SYCE1L: variants seen among roughly 807,000 people sequenced by gnomAD.
SYCE1L encodes synaptonemal complex central element protein 1-like.
Under a neutral mutation model 39.6 loss-of-function variants are expected in SYCE1L, and 51 were observed. That is an observed-to-expected ratio of 1.29 (90% confidence interval 1.03 to 1.63). SYCE1L has a LOEUF of 1.63. Ranked by LOEUF, SYCE1L falls within the 40% of genes most tolerant of loss-of-function variation. The pLI is 0.00. For missense variants in SYCE1L, 426 were observed against 304.9 expected (o/e 1.40, Z -2.96); for synonymous variants, 147 against 122.4 (o/e 1.20, Z -1.33).
chr16:77,200,266 A>G (rs1338050632), intron 1 of SYCE1L: 1 of 111,312 alleles, frequency 9.0e-6, no homozygotes, highest in Admixed American at 8.7e-5. Context: ...GTATATATAT[A>G]TATATGTGTA....
rs757888203 is a variant in SYCE1L at position 77,199,438 on chromosome 16, C to G, written c.-14C>G. On this transcript the variant is annotated 5_prime_UTR_variant, in exon 1 of 11. Coordinates refer to ENST00000378644, the MANE Select transcript of SYCE1L (RefSeq NM_001129979.3). The stretch of plus-strand genomic sequence containing the variant: ...TCATCAAGCGAGGCTCGCGCGCAGG[C>G]CCCGCGTTGGAAAATGGCGGGGAAG... 25 of 1,551,444 alleles carry G rather than the reference C, an allele frequency of 1.6e-5. No individual in the cohort carries two copies. Among genetic ancestry groups the G allele is most frequent in the Middle Eastern group, 3.4e-4 (2 of 5,880 alleles).
At chr16:77,200,900 A>C (rs2054735105) in intron 1 of SYCE1L, 1 of 152,206 alleles carries the variant, frequency 6.6e-6, no homozygotes, top group African/African-American at 2.4e-5. Context: ...TGTACCTATC[A>C]GTATGCTTTA....
Position 77,212,332 on chromosome 16 carries a change from C to T in SYCE1L, c.544C>T (p.Pro182Ser). The T allele has an allele frequency of 2.0e-6, 3 of 1,523,214 alleles. No homozygotes were observed. The Admixed American group carries it at 6.7e-5, about 34-fold the overall frequency. 94.4% of individuals were successfully genotyped at this position (1,523,214 alleles called of 1,614,324 possible). A position where few individuals can be genotyped will look rare whatever the true frequency, so the allele number is the denominator to read the frequency against. The change falls in exon 9 of 11, where the codon CCG becomes TCG. Residue 182 changes from proline to serine, a missense_variant. Transcript: ENST00000378644. The stretch of plus-strand genomic sequence containing the variant: ...GGAGGTGGAGCGGCGGCTGCACTCG[C>T]CGCCTGAGGTCGAGGGCGCCATGGC... ...LREVERRLHS[P>S]PEVEGAMAVN...
intron 9 of SYCE1L, 56 bp downstream of exon 9, chr16:77,212,425 C>A: frequency 6.5e-7 from 1 of 1,530,966 alleles, no homozygotes; most frequent in South Asian, 1.2e-5. Flanking sequence ...GGAGGGGAAC[C>A]CGCCCAGGTC....
At chr16:77,205,193 ATT>A (rs1434667369) in intron 1 of SYCE1L, among the ~76,000 whole-genome samples, 1 of 151,670 alleles carries the variant, frequency 6.6e-6, no homozygotes, top group Non-Finnish European at 1.5e-5. Flanking sequence ...GGGAGAGGGA[ATT>A]TTCACTGTAT....
chr16:77,211,065 A>G (rs2054818813), intron 6 of SYCE1L, 148 bp from the exon 7 acceptor site: 1 of 803,912 alleles, frequency 1.2e-6, no homozygotes, highest in Admixed American at 2.4e-5. Context: ...AAGAGGTGCT[A>G]CGGGAACCAA....
intron 9 of SYCE1L, 40 bp downstream of exon 9, chr16:77,212,409 C>A (rs1040467550): frequency 5.2e-6 from 8 of 1,529,880 alleles, no homozygotes; most frequent in African/African-American, 2.8e-5. Flanking sequence ...AGGGCAGGGG[C>A]AGGGCGGAGG....
chr16:77,204,077 A>T (rs368294683), intron 1 of SYCE1L, among the ~76,000 whole-genome samples: 1 of 152,128 alleles, frequency 6.6e-6, no homozygotes, highest in Non-Finnish European at 1.5e-5. Flanking sequence ...TTGGCAAAAA[A>T]AAAAAGAAAA....
chr16:77,200,534 T>A (rs1471336479), intron 1 of SYCE1L: 1 of 150,510 alleles, frequency 6.6e-6, no homozygotes, highest in Non-Finnish European at 1.5e-5. Context: ...GGCGGGTGGG[T>A]CACCTGAGGT....
chr16:77,212,846 GC>G lies in SYCE1L; in HGVS notation c.655-6del, dbSNP rs1366980216. On this transcript the variant is annotated splice_polypyrimidine_tract_variant and intron_variant, in intron 10 of 10. Coordinates refer to ENST00000378644, the MANE Select transcript of SYCE1L (RefSeq NM_001129979.3). ...GGAACCTGGTCCGCAGCCTCACCCA[GC>G]CCCCGGCAGGCCGGACCTGAGCTCC... 9 of 1,484,666 alleles carry G rather than the reference GC, an allele frequency of 6.1e-6. No homozygotes were observed. Among genetic ancestry groups the G allele is most frequent in the Middle Eastern group, 2.1e-4 (1 of 4,806 alleles). The allele number at this position is 1,484,666 out of a possible 1,614,324, so 92.0% of individuals were successfully genotyped here. A position where few individuals can be genotyped will look rare whatever the true frequency, so the allele number is the denominator to read the frequency against.
intron 1 of SYCE1L, 112 bp downstream of exon 1, chr16:77,199,624 ATGTT>A: frequency 1.1e-6 from 1 of 939,776 alleles, no homozygotes; most frequent in Non-Finnish European, 1.6e-6. Context: ...TTTAAATAAA[ATGTT>A]AAGCCTTTTG....
At chr16:77,212,426 C>T (rs2054831065) in intron 9 of SYCE1L, 57 bp downstream of exon 9, 1 of 1,530,090 alleles carries the variant, frequency 6.5e-7, no homozygotes, top group Non-Finnish European at 8.8e-7. Context: ...GAGGGGAACC[C>T]GCCCAGGTCC....
At chr16:77,200,230 GTGTATATATATATATATGTATA>G (rs2054718045) in intron 1 of SYCE1L, 2 of 134,090 alleles carry the variant, frequency 1.5e-5, no homozygotes, top group South Asian at 2.3e-4. Flanking sequence ...ATGTATGTGT[GTGTATATATATATATATGTATA>G]TGTGTATATA....
chr16:77,209,142 A>G lies in SYCE1L; in HGVS notation c.302A>G (p.Gln101Arg), dbSNP rs375294252. The stretch of plus-strand genomic sequence containing the variant: ...CTAGAGGAGGTCTTGGGCAAAAAGC[A>G]AGGTATTTACCAGTTGCTGTGTCTT... ...VHLEEVLGKK[Q>R]EALRILQMHC... The change falls in exon 5 of 11, where the codon CAA (glutamine) becomes CGA (arginine). Residue 101 changes from glutamine (Q) to arginine (R), a missense_variant and splice_region_variant. By Grantham distance (43) the Gln-to-Arg change is conservative. Coordinates refer to ENST00000378644, the MANE Select transcript of SYCE1L (RefSeq NM_001129979.3). 2 of 1,551,708 alleles carry G rather than the reference A, an allele frequency of 1.3e-6. No individual in the cohort carries two copies. Among genetic ancestry groups the G allele is most frequent in the East Asian group, 4.9e-5 (2 of 40,916 alleles).
intron 9 of SYCE1L, 43 bp from the exon 10 acceptor site, chr16:77,212,531 C>T: frequency 6.5e-7 from 1 of 1,537,672 alleles, no homozygotes; most frequent in South Asian, 1.2e-5. Flanking sequence ...GTCCCCTGGA[C>T]TCTCGCTCTC....
intron 4 of SYCE1L, among the ~76,000 whole-genome samples, chr16:77,208,896 A>T (rs1409724099): frequency 6.6e-6 from 1 of 152,126 alleles, no homozygotes; most frequent in East Asian, 1.9e-4. Context: ...CTCCTTCAAC[A>T]TTTACAAAGA....
intron 1 of SYCE1L, among the ~76,000 whole-genome samples, chr16:77,203,739 C>T (rs1256995125): frequency 6.6e-6 from 1 of 151,944 alleles, no homozygotes; most frequent in African/African-American, 2.4e-5. Context: ...GGATTACAGG[C>T]GTGCATCAAC....
chr16:77,208,548 G>A lies in SYCE1L; in HGVS notation c.256+9G>A. Reference sequence around the variant, plus strand: ...TAGGGAATTAGACTCCTGTAAGTGGGGCCAAAAGAGGGACCCATCAACACT... The same window carrying A: ...TAGGGAATTAGACTCCTGTAAGTGGAGCCAAAAGAGGGACCCATCAACACT... On this transcript the variant is annotated intron_variant, in intron 4 of 10. Transcript: ENST00000378644. The A allele has an allele frequency of 6.4e-7, 1 of 1,551,556 alleles. No individual in the cohort carries two copies. Among genetic ancestry groups the A allele is most frequent in the Non-Finnish European group, 8.7e-7 (1 of 1,146,932 alleles).
chr16:77,210,201 G>A (rs1183506881), intron 6 of SYCE1L, among the ~76,000 whole-genome samples: 3 of 152,054 alleles, frequency 2.0e-5, no homozygotes, highest in Non-Finnish European at 2.9e-5. Flanking sequence ...CACCATGCCC[G>A]GCTAATTTTG....
Sources: allele counts gnomAD v4.1 joint callset (sites outside exome capture counted in the v4.1 genomes callset), GRCh38; gene constraint gnomAD v4.1.1; transcripts MANE v1.5; gene names NCBI Gene and HGNC (gene_info 2026-07-23, HGNC 2026-07-21).